DHX35: variants seen among roughly 807,000 people sequenced by gnomAD.
DHX35 encodes DEAH-box helicase 35, also known as probable ATP-dependent RNA helicase DHX35.
Under a neutral mutation model 99.6 loss-of-function variants are expected in DHX35, and 84 were observed. The ratio of observed to expected loss-of-function variants is 0.84; its 90% confidence interval spans 0.71 to 1.01. The LOEUF (loss-of-function observed/expected upper bound fraction) is 1.01. Ranked by LOEUF, DHX35 falls within the 50% of genes least tolerant of loss-of-function variation. The pLI, the probability that DHX35 is intolerant of heterozygous loss-of-function variation, is 0.00. For missense variants in DHX35, 852 were observed against 888.5 expected (o/e 0.96, Z 0.52); for synonymous variants, 331 against 316.2 (o/e 1.05, Z -0.50).
chr20:38,965,366 T>C (rs997279974), intron 1 of DHX35, among the ~76,000 whole-genome samples: 1 of 152,238 alleles, frequency 6.6e-6, no homozygotes, highest in Non-Finnish European at 1.5e-5. Flanking sequence ...GGGAAGCTGA[T>C]ATAAGGCTAG....
At position 39,006,187 on chromosome 20, in the gene DHX35, C is replaced by G; in HGVS notation, c.1053C>G (p.Ile351Met). The change falls in exon 12 of 22, where the codon ATC (isoleucine) becomes ATG (methionine). Residue 351 changes from isoleucine (I) to methionine (M), a missense_variant. By Grantham distance (10) the Ile-to-Met change is conservative. Transcript: ENST00000252011. ...ATGTGGCAGAAACCTCTATCACAATCAGCGGCATTGTGTATGTGATCGACT... is the reference window on the plus strand; with the variant it reads ...ATGTGGCAGAAACCTCTATCACAATGAGCGGCATTGTGTATGTGATCGACT... Reference protein sequence around the residue: ...ATNVAETSITISGIVYVIDCG... With the variant: ...ATNVAETSITMSGIVYVIDCG... 1.9e-6 allele frequency: 3 copies of G among 1,614,128 alleles called. No homozygotes were observed. In the South Asian group the frequency reaches 3.3e-5, roughly 18 times the overall value.
intron 19 of DHX35, among the ~76,000 whole-genome samples, chr20:39,028,778 G>A (rs1431446105): frequency 6.6e-6 from 1 of 152,198 alleles, no homozygotes; most frequent in Non-Finnish European, 1.5e-5. Context: ...TCTAATGACA[G>A]AATAATATGA....
chr20:38,986,508 AT>A (rs1406956699), intron 4 of DHX35, among the ~76,000 whole-genome samples: 6 of 152,112 alleles, frequency 3.9e-5, no homozygotes, highest in South Asian at 2.1e-4. Flanking sequence ...ATTTATGCTC[AT>A]TTTTTTAAAT....
chr20:38,997,301 C>T (rs2086446225), intron 8 of DHX35, among the ~76,000 whole-genome samples: 1 of 152,080 alleles, frequency 6.6e-6, no homozygotes, highest in South Asian at 2.1e-4. Context: ...AAACTCCGGA[C>T]CTCAGGTGAT....
intron 19 of DHX35, 81 bp from the exon 20 acceptor site, chr20:39,030,623 G>C: frequency 7.6e-7 from 1 of 1,323,682 alleles, no homozygotes; most frequent in Non-Finnish European, 1.1e-6. Context: ...TGCTTTTTTG[G>C]TAATATTAAA....
At chr20:38,994,636 C>T (rs2086396869) in intron 7 of DHX35, among the ~76,000 whole-genome samples, 185 bp from the exon 8 acceptor site, 1 of 127,190 alleles carries the variant, frequency 7.9e-6, no homozygotes, top group African/African-American at 2.8e-5. Flanking sequence ...TAATGACCCC[C>T]CCCCCCCTTT....
chr20:38,978,401 C>A, intron 3 of DHX35: 1 of 675,570 alleles, frequency 1.5e-6, no homozygotes, highest in South Asian at 1.5e-5. Context: ...GGGCTCATGT[C>A]CGTGTCCATC....
chr20:39,031,329 G>A (rs916356216), intron 20 of DHX35, among the ~76,000 whole-genome samples: 1 of 150,162 alleles, frequency 6.7e-6, no homozygotes, highest in Non-Finnish European at 1.5e-5. Flanking sequence ...CCCAGCTCAC[G>A]GTTCTTTTTT....
intron 2 of DHX35, among the ~76,000 whole-genome samples, chr20:38,971,409 G>A (rs1209716037): frequency 6.6e-6 from 1 of 152,048 alleles, no homozygotes; most frequent in Non-Finnish European, 1.5e-5. Context: ...GATTGTTAAA[G>A]ATCACTGCCT....
intron 5 of DHX35, 88 bp from the exon 6 acceptor site, chr20:38,991,366 G>A: frequency 8.7e-7 from 1 of 1,143,148 alleles, no homozygotes. Flanking sequence ...ACACATGCTG[G>A]CAAAGAGGTT....
At chr20:38,998,699 A>G (rs958122115) in intron 8 of DHX35, among the ~76,000 whole-genome samples, 1 of 152,160 alleles carries the variant, frequency 6.6e-6, no homozygotes, top group Non-Finnish European at 1.5e-5. Context: ...CATTGTTGGT[A>G]CTATATTTAT....
intron 21 of DHX35, among the ~76,000 whole-genome samples, chr20:39,035,651 A>G (rs988265110): frequency 6.6e-6 from 1 of 152,180 alleles, no homozygotes; most frequent in Non-Finnish European, 1.5e-5. Context: ...ACGTGGTGGC[A>G]TCACAGGGGC....
chr20:38,977,827 CTT>C (rs2086105415), intron 3 of DHX35: 1 of 551,624 alleles, frequency 1.8e-6, no homozygotes. Flanking sequence ...GGTATTGAGT[CTT>C]TTCCATTCTG....
intron 21 of DHX35, among the ~76,000 whole-genome samples, chr20:39,034,680 CG>C (rs1329921801): frequency 6.6e-6 from 1 of 151,916 alleles, no homozygotes; most frequent in Non-Finnish European, 1.5e-5. Flanking sequence ...CTCCGTTTCC[CG>C]GATTCAAGCA....
chr20:38,995,383 G>A (rs1165433670), intron 8 of DHX35, among the ~76,000 whole-genome samples: 1 of 152,108 alleles, frequency 6.6e-6, no homozygotes, highest in Non-Finnish European at 1.5e-5. Context: ...AATTAGCTGG[G>A]CGTAGTAGTA....
chr20:39,001,579 A>G, intron 8 of DHX35, 151 bp from the exon 9 acceptor site: 3 of 511,826 alleles, frequency 5.9e-6, no homozygotes, highest in Non-Finnish European at 1.0e-5. Flanking sequence ...TGAATTTAAA[A>G]AATGTATTTT....
intron 21 of DHX35, among the ~76,000 whole-genome samples, chr20:39,034,682 G>A (rs968931040): frequency 3.2e-4 from 48 of 151,814 alleles, no homozygotes; most frequent in African/African-American, 1.2e-3. Flanking sequence ...CCGTTTCCCG[G>A]ATTCAAGCAA....
At position 39,006,238 on chromosome 20, in the gene DHX35, C is replaced by A. The variant is rs1431798305; in HGVS notation, c.1104C>A (p.Tyr368Ter). Residue 368 changes from tyrosine to a stop codon, truncating the protein, a stop_gained, in exon 12 of 22, where the codon TAC becomes TAA. Transcript: ENST00000252011. LOFTEE classifies it high-confidence loss of function. ...IDCGFVKLRA[Y>*]NPRTAIECLV... ...GTGGCTTTGTGAAACTCCGAGCCTA[C>A]AATCCCAGGACAGCTATTGAATGCT... 6.2e-7 allele frequency: 1 copy of A among 1,614,056 alleles called. No individual in the cohort carries two copies. The highest frequency in any genetic ancestry group is 1.3e-5 in the African/African-American group (1 of 74,924).
intron 15 of DHX35, among the ~76,000 whole-genome samples, chr20:39,020,046 G>A (rs1473153035): frequency 6.6e-6 from 1 of 152,156 alleles, no homozygotes; most frequent in African/African-American, 2.4e-5. Flanking sequence ...TTCCATTTAT[G>A]CTGTCATGAA....
Sources: gnomAD v4.1 joint callset for allele counts (sites outside exome capture counted in the v4.1 genomes callset) on GRCh38, gnomAD v4.1.1 for gene constraint, MANE v1.5 for transcripts, NCBI Gene and HGNC (gene_info 2026-07-23, HGNC 2026-07-21) for gene names.